KIAA0319L: variants seen among roughly 807,000 people sequenced by gnomAD.
KIAA0319L encodes the protein KIAA0319 like.
Under a neutral mutation model 120.1 loss-of-function variants are expected in KIAA0319L, and 55 were observed. The ratio of observed to expected loss-of-function variants is 0.46; its 90% CI spans 0.37 to 0.57. The LOEUF is 0.57. Among genes scored for constraint, KIAA0319L ranks in the 20% least tolerant of loss-of-function variants. KIAA0319L has a pLI of 0.00. For missense variants in KIAA0319L, 1,049 were observed against 1,255.3 expected, an observed-to-expected ratio of 0.84 and a Z score of 2.48; for synonymous variants, 398 against 471.9, an observed-to-expected ratio of 0.84 and a Z score of 2.03.
At chr1:35,538,030 A>C (rs1393531375) in intron 2 of KIAA0319L, among the ~76,000 whole-genome samples, 1 of 152,172 alleles carries the variant, frequency 6.6e-6, no homozygotes, top group East Asian at 1.9e-4. Context: ...CCCATGTCTT[A>C]CCAGCCTGCT....
chr1:35,500,599 G>C (rs183612425), intron 3 of KIAA0319L, among the ~76,000 whole-genome samples: 2 of 152,322 alleles, frequency 1.3e-5, no homozygotes, highest in East Asian at 1.9e-4. Context: ...CAAGACAAAA[G>C]CAATTTATGA....
At chr1:35,466,776 C>T (rs2149117040) in intron 6 of KIAA0319L, 81 bp from the exon 7 acceptor site, 2 of 972,584 alleles carry the variant, frequency 2.1e-6, no homozygotes, top group South Asian at 1.4e-5. Flanking sequence ...TGAACTTTCC[C>T]AAGCTGAATC....
chr1:35,496,374 G>A (rs966038189), intron 3 of KIAA0319L, among the ~76,000 whole-genome samples: 1 of 152,082 alleles, frequency 6.6e-6, no homozygotes, highest in Non-Finnish European at 1.5e-5. Context: ...GAGCTGAGAT[G>A]GTGCCAGTGC....
intron 2 of KIAA0319L, among the ~76,000 whole-genome samples, chr1:35,522,426 C>G: frequency 6.6e-6 from 1 of 151,966 alleles, no homozygotes; most frequent in East Asian, 2.0e-4. Flanking sequence ...ATTACAGGCA[C>G]GCACCACCAC....
chr1:35,464,533 G>A (rs1006157246), intron 7 of KIAA0319L, among the ~76,000 whole-genome samples: 7 of 152,174 alleles, frequency 4.6e-5, no homozygotes, highest in Non-Finnish European at 8.8e-5. Flanking sequence ...AGTTTTATAC[G>A]GGAAGTAGAA....
intron 16 of KIAA0319L, among the ~76,000 whole-genome samples, chr1:35,446,102 T>C (rs12354053): frequency 6.6e-6 from 1 of 152,174 alleles, no homozygotes; most frequent in Admixed American, 6.5e-5. Context: ...TTTTCCATTC[T>C]AGGTACCCAG....
rs535837635 is a variant in KIAA0319L at position 35,538,215 on chromosome 1, C to T, written c.142+16135G>A. Among the ~76,000 whole-genome samples the T allele has an allele frequency of 7.9e-5, 12 of 152,054 alleles. No homozygotes were observed. The South Asian group carries it at 1.5e-3, about 18-fold the overall frequency. On this transcript the variant is annotated intron_variant, in intron 2 of 20. Transcript: ENST00000325722. ...ATATATTATTTGTTGACCTAAAATG[C>T]GTGTATCTATAGTATATATATAAAA...
chr1:35,517,288 T>C (rs1768551), intron 2 of KIAA0319L, among the ~76,000 whole-genome samples: 35,090 of 152,048 alleles, frequency 0.23, 8,624 homozygotes, highest in African/African-American at 0.58. Context: ...AAGCTGGTGG[T>C]ACCACGTTAC....
At chr1:35,540,762 T>C (rs1261421060) in intron 2 of KIAA0319L, among the ~76,000 whole-genome samples, 1 of 152,158 alleles carries the variant, frequency 6.6e-6, no homozygotes, top group African/African-American at 2.4e-5. Context: ...TAGGTCTCTA[T>C]TGTCATGGCA....
In KIAA0319L at chr1:35,437,320, C is replaced by T. The variant is rs1186115975; in HGVS notation, c.2963-2239G>A. ...ACTCCATGCTCCCTTTCTCTCCTCT[C>T]TTCCCTTCTCCCTCCTTCCTCCTCA... On this transcript the variant is annotated intron_variant, in intron 20 of 20. Coordinates refer to ENST00000325722, the MANE Select transcript of KIAA0319L (RefSeq NM_024874.5). The surrounding 1 kb of genome is among the most constrained non-coding windows in gnomAD (Gnocchi z 4.1). Among the ~76,000 whole-genome samples, 1 of 152,172 alleles carries T rather than the reference C, an allele frequency of 6.6e-6. No individual in the cohort carries two copies. Among genetic ancestry groups the T allele is most frequent in the Middle Eastern group, 3.2e-3 (1 of 316 alleles).
chr1:35,448,108 G>C, intron 16 of KIAA0319L, 65 bp downstream of exon 16: 2 of 1,434,658 alleles, frequency 1.4e-6, no homozygotes, highest in Non-Finnish European at 1.9e-6. Context: ...CTATTTCTCA[G>C]CTCATTCAAG....
chr1:35,495,584 G>A (rs1461132389), intron 3 of KIAA0319L, among the ~76,000 whole-genome samples: 1 of 152,100 alleles, frequency 6.6e-6, no homozygotes, highest in Non-Finnish European at 1.5e-5. Context: ...CTGAGAAAGA[G>A]CTTGTATGCA....
intron 2 of KIAA0319L, among the ~76,000 whole-genome samples, chr1:35,531,262 T>C (rs908669123): frequency 4.6e-5 from 7 of 152,212 alleles, no homozygotes; most frequent in African/African-American, 1.4e-4. Context: ...GCACCCTTTG[T>C]CCTGGGAGCA....
intron 6 of KIAA0319L, among the ~76,000 whole-genome samples, chr1:35,467,772 G>C (rs1004857142): frequency 6.6e-6 from 1 of 151,160 alleles, no homozygotes; most frequent in Non-Finnish European, 1.5e-5. Flanking sequence ...CACTGCAACT[G>C]CTGCCTCCTG....
At chr1:35,494,574 T>G (rs945043568) in intron 3 of KIAA0319L, among the ~76,000 whole-genome samples, 1 of 151,670 alleles carries the variant, frequency 6.6e-6, no homozygotes, top group Non-Finnish European at 1.5e-5. Flanking sequence ...GTAGGTGGAT[T>G]GCTTGAGTCC....
intron 1 of KIAA0319L, among the ~76,000 whole-genome samples, chr1:35,555,906 A>G (rs1647931326): frequency 6.6e-6 from 1 of 152,230 alleles, no homozygotes; most frequent in South Asian, 2.1e-4. Context: ...TAGAAGTGCC[A>G]TGTCTAATAA....
At chr1:35,527,822 A>G (rs1392264758) in intron 2 of KIAA0319L, among the ~76,000 whole-genome samples, 2 of 151,162 alleles carry the variant, frequency 1.3e-5, no homozygotes, top group African/African-American at 4.9e-5. Flanking sequence ...TTATCTTCTC[A>G]TTAAACCAAC....
At chr1:35,435,201 C>CCTGTGGGGTGCAGATGGGAGGTGCAGA in intron 20 of KIAA0319L, 120 bp from the exon 21 acceptor site, 1 of 882,322 alleles carries the variant, frequency 1.1e-6, no homozygotes, top group Non-Finnish European at 1.8e-6. Context: ...CCTCTCCAGG[C>CCTGTGGGGTGCAGATGGGAGGTGCAGA]TGGGAGGTGC....
At position 35,506,683 on chromosome 1, in the gene KIAA0319L, T is replaced by C. The variant is rs1358606760; in HGVS notation, c.595A>G (p.Ile199Val). ...RGSPSDVVTP[I>V]VTQHSKVNDS... ...TTCACTTTAGAATGCTGTGTCACTA[T>C]AGGTGTAACTACGTCACTGGGACTA... Residue 199 changes from isoleucine to valine, a missense_variant, in exon 3 of 21, where the codon ATA (isoleucine) becomes GTA (valine). Transcript: ENST00000325722. The surrounding 1 kb of genome is among the most constrained non-coding windows in gnomAD (Gnocchi z 4.0). 3.7e-6 allele frequency: 6 copies of C among 1,614,204 alleles called. No individual in the cohort carries two copies. Among genetic ancestry groups the C allele is most frequent in the East Asian group, 2.2e-5 (1 of 44,886 alleles).
Sources: allele counts gnomAD v4.1 joint callset (sites outside exome capture counted in the v4.1 genomes callset), GRCh38; gene constraint gnomAD v4.1.1; non-coding constraint Gnocchi (gnomAD v3.1); transcripts MANE v1.5; gene names NCBI Gene and HGNC (gene_info 2026-07-23, HGNC 2026-07-21).